The following SGCD variants were observed in gnomAD, a reference collection of about 807,000 sequenced individuals.
SGCD encodes the protein sarcoglycan delta.
In SGCD, 18 loss-of-function variants were observed where a neutral mutation model predicts 36.6. The ratio of observed to expected loss-of-function variants is 0.49; its 90% CI spans 0.34 to 0.73. The LOEUF is 0.73. Ranked by LOEUF, SGCD falls within the 30% of genes least tolerant of loss-of-function variation. The pLI, the probability that SGCD is intolerant of heterozygous loss-of-function variation, is 0.01. For synonymous variants in SGCD, 133 were observed against 130.6 expected, an observed-to-expected ratio of 1.02 and a Z score of -0.12; for missense variants, 387 against 346.7, an observed-to-expected ratio of 1.12 and a Z score of -0.92.
Position 156,525,254 on chromosome 5 carries a change from T to C in SGCD, c.294+16552T>C, listed in dbSNP as rs996447388. ...CATTTGTTATCTTTCTTCTTTTTGA[T>C]AACAGCCATTCTAAAAAGGGTGAGG... On this transcript the variant is annotated intron_variant, in intron 4 of 8. Transcript: ENST00000337851. 2.6e-5 allele frequency among the ~76,000 whole-genome samples: 4 copies of C among 152,170 alleles called. No individual in the cohort carries two copies. The South Asian group carries it at 8.3e-4, about 31-fold the overall frequency.
the SGCD span, among the ~76,000 whole-genome samples, chr5:155,760,043 T>A: frequency 1.3e-5 from 2 of 152,174 alleles, no homozygotes; most frequent in African/African-American, 4.8e-5. Context: ...TTTGAGATGT[T>A]TATCTCACCA....
At chr5:156,474,785 T>C (rs1044335905) in intron 3 of SGCD, among the ~76,000 whole-genome samples, 3 of 152,172 alleles carry the variant, frequency 2.0e-5, no homozygotes, top group Non-Finnish European at 4.4e-5. Context: ...CAGAGTTAGT[T>C]TGGCCTATTT....
At chr5:156,497,785 G>A (rs570469435) in intron 3 of SGCD, among the ~76,000 whole-genome samples, 7 of 152,200 alleles carry the variant, frequency 4.6e-5, no homozygotes, top group Admixed American at 3.3e-4. Context: ...ACGAAGTTGA[G>A]ATTACATGGC....
intron 1 of SGCD, among the ~76,000 whole-genome samples, chr5:155,955,188 C>T (rs1007092498): frequency 2.0e-5 from 3 of 152,096 alleles, no homozygotes; most frequent in African/African-American, 4.8e-5. Flanking sequence ...CACAGACACT[C>T]TCAGAAGAAT....
intron 3 of SGCD, among the ~76,000 whole-genome samples, chr5:156,145,999 G>C (rs756251069): frequency 6.6e-6 from 1 of 152,128 alleles, no homozygotes; most frequent in Admixed American, 6.5e-5. Context: ...GGATCACGAG[G>C]TCAGGAGATC....
At chr5:156,352,639 CTG>C (rs557951792) in intron 3 of SGCD, among the ~76,000 whole-genome samples, 22 of 152,304 alleles carry the variant, frequency 1.4e-4, no homozygotes, top group African/African-American at 5.3e-4. Context: ...AAAATCCAAA[CTG>C]TTGTCACTTG....
rs1158029659 is a variant in SGCD at position 156,759,749 on chromosome 5, T to TAAAC, written c.*361_*364dup. On this transcript the variant is annotated 3_prime_UTR_variant, in exon 9 of 9. Transcript: ENST00000337851. Reference sequence around the variant, plus strand: ...GACCATTCAGAATCACACAGCGTATTAAACACTGACAGAATCTTCATCTAG... The same window carrying TAAAC: ...GACCATTCAGAATCACACAGCGTATTAAACAAACACTGACAGAATCTTCATCTAG... The TAAAC allele has an allele frequency of 2.0e-5, 3 of 152,204 alleles. No individual in the cohort carries two copies. The highest frequency in any genetic ancestry group is 4.4e-5 in the Non-Finnish European group (3 of 68,038). 9.4% of individuals were successfully genotyped at this position (152,204 alleles called of 1,614,324 possible). A position where few individuals can be genotyped will look rare whatever the true frequency, so the allele number is the denominator to read the frequency against.
At chr5:155,834,118 C>G in the SGCD span, among the ~76,000 whole-genome samples, 4 of 152,178 alleles carry the variant, frequency 2.6e-5, no homozygotes, top group Non-Finnish European at 4.4e-5. Flanking sequence ...CTATCCTGCT[C>G]TGGTTATTAT....
chr5:155,937,042 G>T (rs1030906379), intron 1 of SGCD, among the ~76,000 whole-genome samples: 2 of 152,168 alleles, frequency 1.3e-5, no homozygotes, highest in African/African-American at 4.8e-5. Context: ...TAGCAGACAC[G>T]TCCAAGCCTG....
intron 3 of SGCD, among the ~76,000 whole-genome samples, chr5:156,366,973 T>A (rs1426710043): frequency 5.9e-5 from 9 of 152,232 alleles, no homozygotes; most frequent in Admixed American, 5.2e-4. Context: ...AGATGCTTTC[T>A]CATGTATTTT....
At chr5:156,515,494 C>A (rs1581103873) in intron 4 of SGCD, among the ~76,000 whole-genome samples, 2 of 151,976 alleles carry the variant, frequency 1.3e-5, no homozygotes, top group South Asian at 4.2e-4. Context: ...TTGGTGTGAC[C>A]CACAGAGAGT....
chr5:155,789,981 G>A, the SGCD span, among the ~76,000 whole-genome samples: 2 of 151,978 alleles, frequency 1.3e-5, no homozygotes, highest in South Asian at 4.2e-4. Context: ...GACCTTTAGT[G>A]CATGTGTTTT....
At chr5:156,060,815 A>G (rs1760184669) in intron 1 of SGCD, among the ~76,000 whole-genome samples, 1 of 146,210 alleles carries the variant, frequency 6.8e-6, no homozygotes, top group South Asian at 2.1e-4. Context: ...TTGACATTAA[A>G]TAATTTTACT....
chr5:155,785,565 C>T, the SGCD span, among the ~76,000 whole-genome samples: 38,360 of 152,024 alleles, frequency 0.25, 5,205 homozygotes, highest in Admixed American at 0.37. Flanking sequence ...CCTATCCTCT[C>T]CTTCCCCTTC....
At chr5:156,413,089 G>A (rs952647366) in intron 3 of SGCD, among the ~76,000 whole-genome samples, 10 of 151,884 alleles carry the variant, frequency 6.6e-5, no homozygotes, top group African/African-American at 9.7e-5. Flanking sequence ...GAGCCACCGC[G>A]CCCGGCCGCA....
At chr5:155,733,638 T>G in the SGCD span, among the ~76,000 whole-genome samples, 2 of 151,996 alleles carry the variant, frequency 1.3e-5, no homozygotes, top group African/African-American at 2.4e-5. Context: ...GGACACTTTT[T>G]TTTTTTTGCC....
chr5:155,753,103 C>T, the SGCD span, among the ~76,000 whole-genome samples: 1 of 151,842 alleles, frequency 6.6e-6, no homozygotes, highest in Non-Finnish European at 1.5e-5. Context: ...TTTGGGAGGC[C>T]GAGGAGGGAA....
At chr5:156,393,351 G>A (rs1267572820) in intron 3 of SGCD, among the ~76,000 whole-genome samples, 1 of 152,350 alleles carries the variant, frequency 6.6e-6, no homozygotes, top group East Asian at 1.9e-4. Context: ...ACTGGCTCAT[G>A]AGAGCCAATT....
At chr5:156,742,953 C>A (rs146626601) in intron 7 of SGCD, among the ~76,000 whole-genome samples, 11 of 152,248 alleles carry the variant, frequency 7.2e-5, no homozygotes, top group South Asian at 2.1e-4. Context: ...CACAGACACA[C>A]CTAGAATAAT....
Sources: gnomAD v4.1 joint callset for allele counts (sites outside exome capture counted in the v4.1 genomes callset) on GRCh38, gnomAD v4.1.1 for gene constraint, MANE v1.5 for transcripts, NCBI Gene and HGNC (gene_info 2026-07-23, HGNC 2026-07-21) for gene names.